The following CYP7B1 variants were observed in gnomAD, a reference collection of about 807,000 sequenced individuals.
The protein encoded by CYP7B1 is cytochrome P450 7B1.
In CYP7B1, 29 loss-of-function variants were observed where a neutral mutation model predicts 42.7. The ratio of observed to expected loss-of-function variants is 0.68; its 90% CI spans 0.51 to 0.93. The LOEUF is 0.93. Among genes scored for constraint, CYP7B1 ranks in the 40% least tolerant of loss-of-function variants. CYP7B1 has a pLI of 0.00. For synonymous variants in CYP7B1, 235 were observed against 218.2 expected (o/e 1.08, Z -0.68); for missense variants, 655 against 600.5 (o/e 1.09, Z -0.95).
chr8:64,622,180 T>C (rs2129630367), intron 2 of CYP7B1, among the ~76,000 whole-genome samples: 1 of 152,368 alleles, frequency 6.6e-6, no homozygotes, highest in Non-Finnish European at 1.5e-5. Flanking sequence ...ATAAAATGCA[T>C]TATTTGCATA....
At chr8:64,600,198 A>G (rs905104363) in intron 5 of CYP7B1, among the ~76,000 whole-genome samples, 1 of 152,244 alleles carries the variant, frequency 6.6e-6, no homozygotes, top group Non-Finnish European at 1.5e-5. Flanking sequence ...TTGAAGCACT[A>G]GAAATCAAGT....
chr8:64,598,310 G>T (rs1805148103), intron 5 of CYP7B1, among the ~76,000 whole-genome samples: 1 of 152,148 alleles, frequency 6.6e-6, no homozygotes, highest in Non-Finnish European at 1.5e-5. Context: ...ACCCTTTGTT[G>T]ACATACAGGG....
intron 1 of CYP7B1, among the ~76,000 whole-genome samples, chr8:64,655,940 T>C (rs190819720): frequency 7.2e-4 from 109 of 152,246 alleles, no homozygotes; most frequent in Non-Finnish European, 1.3e-3. Context: ...TTTTCACTTA[T>C]GAGTGGGAGC....
chr8:64,645,697 C>T (rs530408959), intron 1 of CYP7B1, among the ~76,000 whole-genome samples: 1 of 152,214 alleles, frequency 6.6e-6, no homozygotes, highest in African/African-American at 2.4e-5. Context: ...CAAAAAACTA[C>T]TTTAAAGTTC....
chr8:64,598,945 A>G (rs949926277), intron 5 of CYP7B1, among the ~76,000 whole-genome samples: 2 of 152,206 alleles, frequency 1.3e-5, no homozygotes, highest in African/African-American at 4.8e-5. Flanking sequence ...GTTAAAATTT[A>G]TTTGCAATTT....
intron 2 of CYP7B1, among the ~76,000 whole-genome samples, chr8:64,617,127 A>C (rs1805461073): frequency 6.6e-6 from 1 of 152,202 alleles, no homozygotes; most frequent in Non-Finnish European, 1.5e-5. Flanking sequence ...GTTATCACCA[A>C]GGTCTCTTTG....
chr8:64,764,229 G>GCCCCGGCCCCC, intron 1 of CYP7B1, among the ~76,000 whole-genome samples: 1 of 125,234 alleles, frequency 8.0e-6, no homozygotes, highest in African/African-American at 3.1e-5. Flanking sequence ...CTTCCACGCT[G>GCCCCGGCCCCC]CCCCCCCCAC....
intron 1 of CYP7B1, among the ~76,000 whole-genome samples, chr8:64,733,253 G>C (rs916181201): frequency 2.0e-5 from 3 of 152,024 alleles, no homozygotes; most frequent in Non-Finnish European, 4.4e-5. Context: ...TTAAGAGATG[G>C]GTCCCCCTAC....
chr8:64,683,870 T>C (rs1178306045), intron 1 of CYP7B1, among the ~76,000 whole-genome samples: 1 of 152,102 alleles, frequency 6.6e-6, no homozygotes, highest in African/African-American at 2.4e-5. Flanking sequence ...CACCCGCAGG[T>C]TCTTGGGCCC....
intron 1 of CYP7B1, among the ~76,000 whole-genome samples, chr8:64,752,577 T>C (rs1178891450): frequency 6.6e-6 from 1 of 152,092 alleles, no homozygotes; most frequent in Admixed American, 6.6e-5. Context: ...CTGAGGTAGG[T>C]GGTAAGAGAT....
At chr8:64,608,735 T>G (rs1805322849) in intron 4 of CYP7B1, among the ~76,000 whole-genome samples, 1 of 152,198 alleles carries the variant, frequency 6.6e-6, no homozygotes, top group Non-Finnish European at 1.5e-5. Flanking sequence ...CATGTGTATG[T>G]GCATTTCTAC....
chr8:64,664,440 C>T (rs1461448714), intron 1 of CYP7B1, among the ~76,000 whole-genome samples: 1 of 152,056 alleles, frequency 6.6e-6, no homozygotes, highest in Non-Finnish European at 1.5e-5. Flanking sequence ...CTACAGCCAC[C>T]CTCTGAAACA....
intron 1 of CYP7B1, among the ~76,000 whole-genome samples, chr8:64,668,586 C>T (rs569835799): frequency 6.6e-6 from 1 of 151,828 alleles, no homozygotes; most frequent in East Asian, 1.9e-4. Context: ...GAGATACATG[C>T]CTCCTATAAT....
chr8:64,794,067 A>C (rs995907898), intron 1 of CYP7B1, among the ~76,000 whole-genome samples: 1 of 152,210 alleles, frequency 6.6e-6, no homozygotes, highest in Non-Finnish European at 1.5e-5. Context: ...ATATTGAGTG[A>C]GGTCCAGGGG....
downstream of CYP7B1, among the ~76,000 whole-genome samples, chr8:64,590,046 A>G (rs1006505413): frequency 1.3e-5 from 2 of 152,262 alleles, no homozygotes; most frequent in African/African-American, 4.8e-5. Context: ...AAGAAAATAC[A>G]CATTATTATT....
intron 5 of CYP7B1, among the ~76,000 whole-genome samples, chr8:64,600,717 A>G (rs1429915151): frequency 6.6e-6 from 1 of 152,034 alleles, no homozygotes; most frequent in African/African-American, 2.4e-5. Flanking sequence ...AAATTGGCCA[A>G]AGGGGTAGTT....
chr8:64,611,089 A>C (rs189873577), intron 4 of CYP7B1, among the ~76,000 whole-genome samples: 1 of 152,252 alleles, frequency 6.6e-6, no homozygotes, highest in East Asian at 1.9e-4. Context: ...ATGTTGCCTG[A>C]TCTTGTCCAC....
At chr8:64,699,129 C>T (rs1236344078) in intron 1 of CYP7B1, among the ~76,000 whole-genome samples, 2 of 152,120 alleles carry the variant, frequency 1.3e-5, no homozygotes, top group African/African-American at 4.8e-5. Context: ...GAAATATACA[C>T]TGCTTATTCT....
rs560455912 is a variant in CYP7B1 at position 64,700,676 on chromosome 8, T to C, written c.123-76137A>G. The stretch of plus-strand genomic sequence containing the variant: ...TTCTCATTTACATTGATAGCAAGCA[T>C]TAGTGAAGATATATGCATTTCATTT... On this transcript the variant is annotated intron_variant, in intron 1 of 5. Coordinates refer to ENST00000310193, the MANE Select transcript of CYP7B1 (RefSeq NM_004820.5). Among the ~76,000 whole-genome samples, 6 of 152,244 alleles carry C rather than the reference T, an allele frequency of 3.9e-5. No individual in the cohort carries two copies. In the South Asian group the frequency reaches 1.2e-3, roughly 32 times the overall value.
Sources: allele counts gnomAD v4.1 joint callset (sites outside exome capture counted in the v4.1 genomes callset), GRCh38; gene constraint gnomAD v4.1.1; transcripts MANE v1.5; gene names NCBI Gene and HGNC (gene_info 2026-07-23, HGNC 2026-07-21).